PLXNA2: variants seen among roughly 807,000 people sequenced by gnomAD.
PLXNA2 encodes the protein plexin-A2.
In PLXNA2, 91 loss-of-function variants were observed where a neutral mutation model predicts 193.5. That is an observed-to-expected ratio of 0.47 (90% CI 0.40 to 0.56). The LOEUF (loss-of-function observed/expected upper bound fraction) is 0.56, where lower values mean the gene tolerates loss of function less well. Ranked by LOEUF, PLXNA2 falls within the 20% of genes least tolerant of loss-of-function variation. The probability of loss-of-function intolerance (pLI) is 0.00; values close to 1 mark genes in which losing one functional copy is unlikely to be tolerated. For missense variants in PLXNA2, 1,995 were observed against 2,503.2 expected, an observed-to-expected ratio of 0.80 and a Z score of 4.33; for synonymous variants, 997 against 1,027.3, an observed-to-expected ratio of 0.97 and a Z score of 0.56.
intron 28 of PLXNA2, chr1:208,032,320 G>A (rs1558154890): frequency 5.8e-6 from 1 of 173,690 alleles, no homozygotes; most frequent in African/African-American, 2.4e-5. Flanking sequence ...GAGGGTCTCT[G>A]GGGCAGGAAT....
At chr1:208,185,609 C>T (rs1470249909) in intron 3 of PLXNA2, among the ~76,000 whole-genome samples, 4 of 150,390 alleles carry the variant, frequency 2.7e-5, no homozygotes, top group Non-Finnish European at 5.9e-5. Context: ...TCAGCCCTCG[C>T]CAGCCCCCAA....
At chr1:208,065,615 C>T (rs1220166694) in intron 12 of PLXNA2, among the ~76,000 whole-genome samples, 1 of 152,190 alleles carries the variant, frequency 6.6e-6, no homozygotes, top group Non-Finnish European at 1.5e-5. Flanking sequence ...GGAAGTCTTC[C>T]TATCCGTCTG....
chr1:208,198,505 T>A lies in PLXNA2; in HGVS notation c.1371+11775A>T, dbSNP rs540920903. Among the ~76,000 whole-genome samples, 6 of 151,894 alleles carry A rather than the reference T, an allele frequency of 4.0e-5. No homozygotes were observed. In the East Asian group the frequency reaches 7.7e-4, roughly 20 times the overall value. ...ACAATGATGCCTGGAGAAAGGGGAGTCAGCTGGGGACTGTGTGTGGCACAA... is the reference window on the plus strand; with the variant it reads ...ACAATGATGCCTGGAGAAAGGGGAGACAGCTGGGGACTGTGTGTGGCACAA... On this transcript the variant is annotated intron_variant, in intron 3 of 31. Coordinates refer to ENST00000367033, the MANE Select transcript of PLXNA2 (RefSeq NM_025179.4).
chr1:208,238,670 T>A (rs1338281769), intron 1 of PLXNA2, among the ~76,000 whole-genome samples: 1 of 152,076 alleles, frequency 6.6e-6, no homozygotes, highest in Admixed American at 6.5e-5. Flanking sequence ...ACAGAGAATA[T>A]GAAGAAAAAG....
At chr1:208,227,132 G>A (rs1285907917) in intron 1 of PLXNA2, among the ~76,000 whole-genome samples, 1 of 152,138 alleles carries the variant, frequency 6.6e-6, no homozygotes, top group Non-Finnish European at 1.5e-5. Flanking sequence ...AATAAAAGTA[G>A]GCATATGGCT....
At chr1:208,102,194 A>G (rs1050670494) in intron 5 of PLXNA2, among the ~76,000 whole-genome samples, 11 of 152,170 alleles carry the variant, frequency 7.2e-5, no homozygotes, top group African/African-American at 2.7e-4. Flanking sequence ...CTCCCTCCAG[A>G]GCCCTCCCAA....
At position 208,052,258 on chromosome 1, in the gene PLXNA2, C is replaced by A. The variant is rs1455042115; in HGVS notation, c.2993+69G>T. On this transcript the variant is annotated intron_variant, in intron 15 of 31. Coordinates refer to ENST00000367033, the MANE Select transcript of PLXNA2 (RefSeq NM_025179.4). Reference sequence around the variant, plus strand: ...TGGGGCAGGCCTATGAATGAACATGCACAGTAACATGTGAACAGCACATGT... The same window carrying A: ...TGGGGCAGGCCTATGAATGAACATGAACAGTAACATGTGAACAGCACATGT... 12 of 1,508,472 alleles carry A rather than the reference C, an allele frequency of 8.0e-6. No homozygotes were observed. In the East Asian group the frequency reaches 2.5e-4, roughly 31 times the overall value. The allele number at this position is 1,508,472 out of a possible 1,614,324, so 93.4% of individuals were successfully genotyped here.
At chr1:208,226,844 G>A (rs1486531415) in intron 1 of PLXNA2, among the ~76,000 whole-genome samples, 1 of 152,230 alleles carries the variant, frequency 6.6e-6, no homozygotes, top group Non-Finnish European at 1.5e-5. Context: ...TTGGGGGAGG[G>A]TCAGGAAGGA....
chr1:208,058,426 C>T (rs990894067), intron 13 of PLXNA2, among the ~76,000 whole-genome samples: 4 of 152,298 alleles, frequency 2.6e-5, no homozygotes, highest in South Asian at 2.1e-4. Context: ...ACCGTGCTGG[C>T]GAATCCTGCC....
chr1:208,166,606 T>C (rs1436114536), intron 3 of PLXNA2, among the ~76,000 whole-genome samples: 1 of 152,182 alleles, frequency 6.6e-6, no homozygotes, highest in African/African-American at 2.4e-5. Flanking sequence ...GTTTGGAAAA[T>C]GCCTCTGAGT....
intron 3 of PLXNA2, among the ~76,000 whole-genome samples, chr1:208,146,993 CTGAGACCAGCAAAAGACAAAA>C (rs1558215494): frequency 2.0e-5 from 3 of 152,144 alleles, no homozygotes; most frequent in Admixed American, 1.3e-4. Flanking sequence ...ACAGTCTTTA[CTGAGACCAGCAAAAGACAAAA>C]TGTGCCTAAA....
At chr1:208,050,302 C>G (rs1411431878) in intron 17 of PLXNA2, among the ~76,000 whole-genome samples, 1 of 152,206 alleles carries the variant, frequency 6.6e-6, no homozygotes, top group Non-Finnish European at 1.5e-5. Flanking sequence ...GGTTAAATGA[C>G]TTGACCATGC....
chr1:208,066,576 T>C (rs1665802017), intron 12 of PLXNA2, among the ~76,000 whole-genome samples: 1 of 152,216 alleles, frequency 6.6e-6, no homozygotes, highest in African/African-American at 2.4e-5. Context: ...CACATAATAC[T>C]TGATAATGAT....
intron 1 of PLXNA2, among the ~76,000 whole-genome samples, chr1:208,224,524 A>T (rs1049828595): frequency 4.0e-5 from 6 of 151,182 alleles, no homozygotes; most frequent in Non-Finnish European, 7.4e-5. Context: ...TAAAGGGAAA[A>T]GGGGGAGGGG....
chr1:208,216,311 T>G lies in PLXNA2; in HGVS notation c.1188+424A>C, dbSNP rs530079040. Among the ~76,000 whole-genome samples, 157 of 152,344 alleles carry G rather than the reference T, an allele frequency of 1.0e-3. 2 individuals are homozygous for G. The highest frequency in any genetic ancestry group is 3.6e-3 in the African/African-American group (151 of 41,588). On this transcript the variant is annotated intron_variant, in intron 2 of 31. Transcript: ENST00000367033. The stretch of plus-strand genomic sequence containing the variant: ...CCACTTTCTCAATGAGTCAGTCCTC[T>G]CAGCTACTGCCTCTCCCCCTTTCCT...
Position 208,060,802 on chromosome 1 carries a change from C to G in PLXNA2, c.2622G>C (p.Thr874=), listed in dbSNP as rs755046855. The part of the protein sequence containing the change: ...LTVSGPPEGG[T]RVTIHGVNLG... ...GGTTCACGCCATGGATGGTCACTCG[C>G]GTCCCTCCTTCCGGCGGTCCAGACA... is the stretch of plus-strand genomic sequence containing the variant. The change falls in exon 13 of 32, where the codon ACG becomes ACC. Residue 874 remains threonine, a synonymous_variant. Coordinates refer to ENST00000367033, the MANE Select transcript of PLXNA2 (RefSeq NM_025179.4). The G allele has an allele frequency of 5.6e-6, 9 of 1,613,966 alleles. No individual in the cohort carries two copies. The highest frequency in any genetic ancestry group is 7.6e-6 in the Non-Finnish European group (9 of 1,180,018).
In PLXNA2 at chr1:208,027,332, C is replaced by G. The variant is rs762054923; in HGVS notation, c.5596G>C (p.Gly1866Arg). 6 of 1,612,584 alleles carry G rather than the reference C, an allele frequency of 3.7e-6. No homozygotes were observed. The highest frequency in any genetic ancestry group is 4.5e-5 in the East Asian group (2 of 44,878). The change falls in exon 32 of 32, where the codon GGG becomes CGG. Residue 1866 changes from glycine to arginine, a missense_variant. Around this residue, in one of 3 missense-constraint regions of PLXNA2, gnomAD observed 1,291 missense variants for 1,673.6 expected, o/e 0.77. Coordinates refer to ENST00000367033, the MANE Select transcript of PLXNA2 (RefSeq NM_025179.4). The part of the protein sequence containing the change: ...YVSKYSEELI[G>R]ALEQDEQARR... ...GCCTGCTCATCCTGCTCTAGGGCCC[C>G]GATGAGCTGAGGAGCAAAAACAAAG... is the stretch of plus-strand genomic sequence containing the variant.
chr1:208,031,796 G>T (rs755916879), intron 28 of PLXNA2, 37 bp from the exon 29 acceptor site: 3 of 1,497,588 alleles, frequency 2.0e-6, no homozygotes, highest in Non-Finnish European at 2.7e-6. Flanking sequence ...ATGGAGGGGG[G>T]TGACGGCAGG....
chr1:208,166,104 C>A (rs1669297273), intron 3 of PLXNA2, among the ~76,000 whole-genome samples: 1 of 152,202 alleles, frequency 6.6e-6, no homozygotes. Flanking sequence ...ATCATAAGGG[C>A]AGATTATGTT....
Sources: gnomAD v4.1 joint callset for allele counts (sites outside exome capture counted in the v4.1 genomes callset) on GRCh38, gnomAD v4.1.1 for gene constraint, gnomAD v4.1.1 regional missense constraint, MANE v1.5 for transcripts, NCBI Gene and HGNC (gene_info 2026-07-23, HGNC 2026-07-21) for gene names.